CDH13: variants seen among roughly 807,000 people sequenced by gnomAD.
CDH13 encodes cadherin 13, also known as cadherin-13.
In CDH13, 24 loss-of-function variants were observed where a neutral mutation model predicts 63.8. The observed-to-expected ratio is 0.38, with a 90% CI of 0.27 to 0.53. CDH13 has a LOEUF of 0.53. Ranked by LOEUF, CDH13 falls within the 20% of genes least tolerant of loss-of-function variation. The probability of loss-of-function intolerance (pLI) is 0.85; values close to 1 mark genes in which losing one functional copy is unlikely to be tolerated. For missense variants in CDH13, 1,049 were observed against 903.1 expected (o/e 1.16, Z -2.07); for synonymous variants, 503 against 355.3 (o/e 1.42, Z -4.67).
intron 5 of CDH13, among the ~76,000 whole-genome samples, chr16:83,324,170 G>A (rs1247241189): frequency 6.6e-6 from 1 of 151,736 alleles, no homozygotes; most frequent in Non-Finnish European, 1.5e-5. Context: ...CTGAGTATCT[G>A]CGATGACAGG....
intron 5 of CDH13, among the ~76,000 whole-genome samples, chr16:83,299,689 C>A (rs927176339): frequency 6.6e-6 from 1 of 152,198 alleles, no homozygotes; most frequent in Non-Finnish European, 1.5e-5. Context: ...AAACCAAACA[C>A]CTTGACCAAA....
intron 4 of CDH13, among the ~76,000 whole-genome samples, chr16:83,133,400 C>T (rs143368975): frequency 1.0e-3 from 155 of 151,950 alleles, no homozygotes; most frequent in African/African-American, 3.4e-3. Context: ...TTTTTTTTAA[C>T]GTGGCTGCCA....
intron 1 of CDH13, among the ~76,000 whole-genome samples, chr16:82,846,208 A>C (rs1049861942): frequency 9.2e-5 from 14 of 152,192 alleles, no homozygotes; most frequent in African/African-American, 3.4e-4. Flanking sequence ...GAAAAGTTTC[A>C]ATCATCTTTC....
intron 7 of CDH13, among the ~76,000 whole-genome samples, chr16:83,511,065 CGCACACACATGCACGCAT>C (rs1256680722): frequency 1.2e-5 from 1 of 82,792 alleles, no homozygotes; most frequent in Admixed American, 1.2e-4. Flanking sequence ...CACACAGACA[CGCACACACATGCACGCAT>C]GCACACACAC....
intron 2 of CDH13, among the ~76,000 whole-genome samples, chr16:82,865,450 C>T (rs141090912): frequency 5.1e-4 from 77 of 152,342 alleles, no homozygotes; most frequent in East Asian, 1.5e-3. Flanking sequence ...TCTTGACTTC[C>T]GTGCACCTGC....
intron 7 of CDH13, among the ~76,000 whole-genome samples, chr16:83,546,767 C>T (rs2075393788): frequency 6.6e-6 from 1 of 152,154 alleles, no homozygotes; most frequent in Non-Finnish European, 1.5e-5. Context: ...TTCCATAGTA[C>T]TTATTAGGCT....
intron 1 of CDH13, among the ~76,000 whole-genome samples, chr16:82,748,619 GAA>G (rs1383734405): frequency 2.6e-5 from 4 of 152,096 alleles, no homozygotes; most frequent in Non-Finnish European, 5.9e-5. Context: ...AAATCAAAGA[GAA>G]AACTCTAAAC....
At chr16:82,791,130 G>A (rs983335776) in intron 1 of CDH13, among the ~76,000 whole-genome samples, 1 of 151,864 alleles carries the variant, frequency 6.6e-6, no homozygotes, top group African/African-American at 2.4e-5. Flanking sequence ...CCAGCTACTC[G>A]GGAGGCTGAG....
At chr16:83,152,291 A>T (rs1346554908) in intron 4 of CDH13, among the ~76,000 whole-genome samples, 5 of 152,242 alleles carry the variant, frequency 3.3e-5, no homozygotes, top group Non-Finnish European at 7.3e-5. Context: ...GTCATTAATT[A>T]AATAATAAGG....
At chr16:82,733,432 C>A (rs1311140826) in intron 1 of CDH13, among the ~76,000 whole-genome samples, 2 of 152,084 alleles carry the variant, frequency 1.3e-5, no homozygotes, top group Non-Finnish European at 2.9e-5. Context: ...AGGCATATGA[C>A]CCAATTTGTA....
chr16:82,841,661 T>C (rs914703152), intron 1 of CDH13, among the ~76,000 whole-genome samples: 1 of 150,842 alleles, frequency 6.6e-6, no homozygotes, highest in Admixed American at 6.7e-5. Flanking sequence ...AACTCATACA[T>C]AGTGTAACCC....
At chr16:82,770,764 G>A (rs1170908989) in intron 1 of CDH13, among the ~76,000 whole-genome samples, 1 of 152,132 alleles carries the variant, frequency 6.6e-6, no homozygotes, top group Non-Finnish European at 1.5e-5. Flanking sequence ...CTGGAGTGCA[G>A]TGGCGTGATC....
At chr16:83,765,504 C>G (rs528602424) in intron 11 of CDH13, among the ~76,000 whole-genome samples, 14 of 151,946 alleles carry the variant, frequency 9.2e-5, no homozygotes, top group African/African-American at 3.4e-4. Context: ...TTATTTTCCA[C>G]CAGACTTTTT....
chr16:82,647,303 G>C (rs1170191745), intron 1 of CDH13, among the ~76,000 whole-genome samples: 19 of 152,178 alleles, frequency 1.2e-4, no homozygotes, highest in Admixed American at 1.2e-3. Context: ...TGGACAGATA[G>C]GACTTAACAG....
chr16:83,149,063 A>G (rs1007140693), intron 4 of CDH13, among the ~76,000 whole-genome samples: 2 of 152,238 alleles, frequency 1.3e-5, no homozygotes, highest in Admixed American at 6.5e-5. Flanking sequence ...ATCATAGTGG[A>G]ACATTTAAGA....
At chr16:83,711,516 GTTTT>G (rs1438030243) in intron 10 of CDH13, among the ~76,000 whole-genome samples, 24 of 152,008 alleles carry the variant, frequency 1.6e-4, no homozygotes, top group African/African-American at 5.8e-4. Context: ...TGGTTTTTTT[GTTTT>G]TTGTTTTTTG....
chr16:83,514,297 G>T (rs74355277), intron 7 of CDH13, among the ~76,000 whole-genome samples: 3,885 of 152,280 alleles, frequency 0.026, 161 homozygotes, highest in African/African-American at 0.089. Flanking sequence ...CTAAGATGAG[G>T]TTATGCTGGA....
At chr16:83,261,303 C>G (rs532640840) in intron 5 of CDH13, among the ~76,000 whole-genome samples, 10 of 152,266 alleles carry the variant, frequency 6.6e-5, no homozygotes, top group South Asian at 2.1e-4. Context: ...ATTACCGATA[C>G]GTTAACTTCA....
At chr16:83,173,663 T>C (rs1371811230) in intron 4 of CDH13, among the ~76,000 whole-genome samples, 2 of 152,146 alleles carry the variant, frequency 1.3e-5, no homozygotes, top group African/African-American at 4.8e-5. Flanking sequence ...GTATTTTTAT[T>C]TGCAAAATTT....
Sources: allele counts gnomAD v4.1 joint callset (sites outside exome capture counted in the v4.1 genomes callset), GRCh38; gene constraint gnomAD v4.1.1; transcripts MANE v1.5; gene names NCBI Gene and HGNC (gene_info 2026-07-23, HGNC 2026-07-21).